The following ACOT7 variants were observed in gnomAD, a reference collection of about 807,000 sequenced individuals.
ACOT7 encodes the protein acyl-CoA thioesterase 7.
A neutral mutation model predicts 40.2 loss-of-function variants in ACOT7; 12 were observed. The observed-to-expected ratio is 0.30, with a 90% CI of 0.19 to 0.48. The LOEUF is 0.48. Among genes scored for constraint, ACOT7 ranks in the 20% least tolerant of loss-of-function variants. The pLI, the probability that ACOT7 is intolerant of heterozygous loss-of-function variation, is 0.99. For synonymous variants in ACOT7, 228 were observed against 219.5 expected (o/e 1.04, Z -0.34); for missense variants, 395 against 530.8 (o/e 0.74, Z 2.51).
At position 6,305,604 on chromosome 1, in the gene ACOT7, G is replaced by A. The variant is rs559382300; in HGVS notation, c.713-10624C>T. On this transcript the variant is annotated intron_variant, in intron 6 of 8. Transcript: ENST00000361521. ...ACATCCCAGACGGGGCGGCAGGGCA[G>A]AGGCGCTCCCCACATCTCAGATGAT... 9.0e-4 allele frequency among the ~76,000 whole-genome samples: 137 copies of A among 151,796 alleles called. 2 individuals carry two copies. The highest frequency in any genetic ancestry group is 6.8e-3 in the Middle Eastern group (2 of 294).
intron 2 of ACOT7, among the ~76,000 whole-genome samples, chr1:6,349,059 C>T (rs1641514991): frequency 6.6e-6 from 1 of 152,218 alleles, no homozygotes; most frequent in Admixed American, 6.5e-5. Context: ...CCTCAGCACC[C>T]AAGGGCTGGC....
At chr1:6,292,889 C>CTTTTTTT (rs973103642) in intron 7 of ACOT7, among the ~76,000 whole-genome samples, 32 of 125,056 alleles carry the variant, frequency 2.6e-4, no homozygotes, top group East Asian at 4.4e-4. Context: ...ATTTCTTTTT[C>CTTTTTTT]TTTTTTTTTT....
intron 5 of ACOT7, among the ~76,000 whole-genome samples, chr1:6,323,998 T>C (rs1390091144): frequency 1.3e-5 from 2 of 151,846 alleles, no homozygotes; most frequent in African/African-American, 2.4e-5. Context: ...CGGGATGGGA[T>C]AGCACGTGTC....
At chr1:6,368,360 G>A (rs116780726) in intron 1 of ACOT7, among the ~76,000 whole-genome samples, 2,680 of 152,212 alleles carry the variant, frequency 0.018, 83 homozygotes, top group African/African-American at 0.061. Flanking sequence ...TGGCTGCACC[G>A]CAGTCCAGGT....
chr1:6,328,761 G>A (rs905880921), intron 4 of ACOT7, among the ~76,000 whole-genome samples: 4 of 152,198 alleles, frequency 2.6e-5, no homozygotes, highest in Admixed American at 2.6e-4. Flanking sequence ...CACAGCAGGG[G>A]GATACTGCAT....
intron 6 of ACOT7, among the ~76,000 whole-genome samples, chr1:6,310,048 C>G (rs938700258): frequency 2.0e-5 from 3 of 152,178 alleles, no homozygotes; most frequent in Non-Finnish European, 2.9e-5. Context: ...ACCGTTCACA[C>G]GTCACCTTCA....
Position 6,294,922 on chromosome 1 carries a change from C to T in ACOT7, c.771G>A (p.Lys257=). The T allele has an allele frequency of 1.2e-6, 2 of 1,614,120 alleles. No individual in the cohort carries two copies. Among genetic ancestry groups the T allele is most frequent in the Non-Finnish European group, 1.7e-6 (2 of 1,180,024 alleles). ...CCACGGAAGCTGTGACGATGTTGGT[C>T]TTGCAGTGGCGTGCAGCCACGATCC... ...VAGIVAARHC[K]TNIVTASVDA... The change falls in exon 7 of 9, where the codon AAG becomes AAA. Residue 257 remains lysine (K), a synonymous_variant. Transcript: ENST00000361521. This position sits in a 1 kb window ranked among gnomAD's most constrained non-coding sequence, Gnocchi z 4.6.
chr1:6,375,230 T>A (rs1422406263), intron 1 of ACOT7, among the ~76,000 whole-genome samples: 5 of 137,652 alleles, frequency 3.6e-5, no homozygotes, highest in African/African-American at 1.4e-4. Flanking sequence ...GCCACTGCAC[T>A]CCAGCCTGGG....
intron 4 of ACOT7, among the ~76,000 whole-genome samples, chr1:6,331,173 G>A (rs954267590): frequency 3.9e-5 from 6 of 152,316 alleles, no homozygotes; most frequent in African/African-American, 1.4e-4. Flanking sequence ...GACGGGAGAG[G>A]TTGTTGAACC....
At position 6,274,565 on chromosome 1, in the gene ACOT7, A is replaced by AG. The variant is rs1639135144; in HGVS notation, c.1014+6536dup. ...GCTGAGGCCAGGAGAAGGAGGTCAT[A>AG]GGGCAGCAGCAGAAGCGAGGTGGGC... On this transcript the variant is annotated intron_variant, in intron 8 of 8. Coordinates refer to ENST00000361521, the MANE Select transcript of ACOT7 (RefSeq NM_007274.4). The surrounding 1 kb of genome is among the most constrained non-coding windows in gnomAD (Gnocchi z 5.9). Among the ~76,000 whole-genome samples, 1 of 152,244 alleles carries AG rather than the reference A, an allele frequency of 6.6e-6. No individual in the cohort carries two copies. The highest frequency in any genetic ancestry group is 1.9e-4 in the East Asian group (1 of 5,202).
intron 1 of ACOT7, among the ~76,000 whole-genome samples, chr1:6,381,384 ATTTC>A (rs1248726214): frequency 6.6e-6 from 1 of 151,892 alleles, no homozygotes; most frequent in East Asian, 1.9e-4. Flanking sequence ...TTGAGTAGAC[ATTTC>A]TACAAAGAAA....
Position 6,264,624 on chromosome 1 carries a change from T to C in ACOT7, c.1086A>G (p.Arg362=). The change falls in exon 9 of 9, where the codon CGA becomes CGG. Residue 362 remains arginine, a synonymous_variant. Transcript: ENST00000361521. ...AGGGCTGAGGCTCCGCGTGGCCCTG[T>C]CGCTTCGCCTTCATCTGCAGGTACC... ...KGRYLQMKAK[R]QGHAEPQP is the part of the protein sequence containing the mutation. 9 of 1,613,206 alleles carry C rather than the reference T, an allele frequency of 5.6e-6. No homozygotes were observed. The South Asian group carries it at 6.6e-5, about 12-fold the overall frequency.
At chr1:6,373,892 T>C (rs978578966) in intron 1 of ACOT7, among the ~76,000 whole-genome samples, 3 of 149,966 alleles carry the variant, frequency 2.0e-5, no homozygotes, top group African/African-American at 7.4e-5. Context: ...ATGCAGGACC[T>C]GCAAAGTGCA....
At position 6,338,896 on chromosome 1, in the gene ACOT7, G is replaced by C. The variant is rs1641184331; in HGVS notation, c.418+537C>G. The stretch of plus-strand genomic sequence containing the variant: ...CTCCTGCAGCGCCCAGTGGGAAGGG[G>C]AAGGGGGTTTCCATGGTTACCATGG... On this transcript the variant is annotated intron_variant, in intron 3 of 8. Transcript: ENST00000361521. This position sits in a 1 kb window ranked among gnomAD's most constrained non-coding sequence, Gnocchi z 4.4. 1.3e-5 allele frequency among the ~76,000 whole-genome samples: 2 copies of C among 152,200 alleles called. No individual in the cohort carries two copies. The highest frequency in any genetic ancestry group is 4.8e-5 in the African/African-American group (2 of 41,450).
intron 1 of ACOT7, among the ~76,000 whole-genome samples, chr1:6,370,568 C>T (rs916540133): frequency 4.0e-5 from 6 of 151,024 alleles, no homozygotes; most frequent in African/African-American, 1.5e-4. Flanking sequence ...CAGCTCACTG[C>T]AGCCTCCGCC....
At position 6,294,133 on chromosome 1, in the gene ACOT7, C is replaced by T. The variant is rs941283910; in HGVS notation, c.829+731G>A. Among the ~76,000 whole-genome samples the T allele has an allele frequency of 6.6e-6, 1 of 152,258 alleles. No homozygotes were observed. The highest frequency in any genetic ancestry group is 1.5e-5 in the Non-Finnish European group (1 of 68,050). ...CCAGGCCCTGACGATGCTGACACCACCCTCGGTCTGTGAGGCAGTGCTGCT... is the reference window on the plus strand; with the variant it reads ...CCAGGCCCTGACGATGCTGACACCATCCTCGGTCTGTGAGGCAGTGCTGCT... On this transcript the variant is annotated intron_variant, in intron 7 of 8. Transcript: ENST00000361521. This position sits in a 1 kb window ranked among gnomAD's most constrained non-coding sequence, Gnocchi z 4.6.
chr1:6,303,056 C>T (rs2143368), intron 6 of ACOT7, among the ~76,000 whole-genome samples: 28,743 of 152,196 alleles, frequency 0.19, 5,606 homozygotes, highest in African/African-American at 0.5. Context: ...ACGCTGGAAG[C>T]CACTGTCTCC....
intron 7 of ACOT7, among the ~76,000 whole-genome samples, chr1:6,284,576 CAAA>C (rs561943319): frequency 1.7e-5 from 1 of 57,980 alleles, no homozygotes; most frequent in Non-Finnish European, 3.4e-5. Flanking sequence ...AACTCCATCT[CAAA>C]AAAAAAAAAA....
intron 1 of ACOT7, among the ~76,000 whole-genome samples, chr1:6,370,460 T>G (rs759248438): frequency 2.4e-3 from 139 of 58,104 alleles, no homozygotes; most frequent in East Asian, 0.02. Context: ...AGTGTTAGTA[T>G]TATTATTATT....
Sources: gnomAD v4.1 joint callset for allele counts (sites outside exome capture counted in the v4.1 genomes callset) on GRCh38, gnomAD v4.1.1 for gene constraint, Gnocchi (gnomAD v3.1) non-coding constraint, MANE v1.5 for transcripts, NCBI Gene and HGNC (gene_info 2026-07-23, HGNC 2026-07-21) for gene names.